CACNB2: variants seen among roughly 807,000 people sequenced by gnomAD.
CACNB2 encodes the protein calcium voltage-gated channel auxiliary subunit beta 2, also known as voltage-dependent L-type calcium channel subunit beta-2.
Under a neutral mutation model 73.3 loss-of-function variants are expected in CACNB2, and 42 were observed. The observed-to-expected ratio is 0.57, with a 90% CI of 0.45 to 0.74. The LOEUF is 0.74. Among genes scored for constraint, CACNB2 ranks in the 30% least tolerant of loss-of-function variants. The pLI is 0.00. For synonymous variants in CACNB2, 348 were observed against 310.3 expected (o/e 1.12, Z -1.28); for missense variants, 940 against 853.0 (o/e 1.10, Z -1.27).
At chr10:18,229,615 C>CA (rs1564361683) in intron 2 of CACNB2, among the ~76,000 whole-genome samples, 2 of 152,040 alleles carry the variant, frequency 1.3e-5, no homozygotes, top group Non-Finnish European at 2.9e-5. Flanking sequence ...AAAATATTAA[C>CA]AAAATGACAG....
rs933338562 is a variant in CACNB2 at position 18,514,481 on chromosome 10, G to A, written c.804+112G>A. On this transcript the variant is annotated intron_variant, in intron 7 of 13. Transcript: ENST00000324631. Reference sequence around the variant, plus strand: ...GATAAGCCAATAACGTGCATGCTCTGTTATTTGTTTCTTTTCCATGCTGCT... The same window carrying A: ...GATAAGCCAATAACGTGCATGCTCTATTATTTGTTTCTTTTCCATGCTGCT... 17 of 1,613,888 alleles carry A rather than the reference G, an allele frequency of 1.1e-5. No individual in the cohort carries two copies. The African/African-American group carries it at 1.9e-4, about 18-fold the overall frequency.
intron 2 of CACNB2, among the ~76,000 whole-genome samples, chr10:18,161,751 CTG>C: frequency 6.6e-6 from 1 of 151,790 alleles, no homozygotes; most frequent in Admixed American, 6.6e-5. Flanking sequence ...TGCTGAAACC[CTG>C]TCTCTACTAA....
intron 2 of CACNB2, among the ~76,000 whole-genome samples, chr10:18,347,495 T>A (rs2041514013): frequency 6.6e-6 from 1 of 151,846 alleles, no homozygotes. Context: ...CCAGCCAAGA[T>A]TTTATTCTTA....
At chr10:18,422,878 A>G (rs550042668) in intron 3 of CACNB2, among the ~76,000 whole-genome samples, 58 of 152,284 alleles carry the variant, frequency 3.8e-4, no homozygotes, top group African/African-American at 1.4e-3. Flanking sequence ...TTGTATTTTT[A>G]GTAGAGACGG....
At position 18,543,140 on chromosome 10, in the gene CACNB2, A is replaced by C. The variant is rs191191089; in HGVS notation, c.*3416A>C. 2 of 152,266 alleles carry C rather than the reference A, an allele frequency of 1.3e-5. No homozygotes were observed. 9.4% of individuals were successfully genotyped at this position (152,266 alleles called of 1,614,324 possible). A position where few individuals can be genotyped will look rare whatever the true frequency, so the allele number is the denominator to read the frequency against. ...AAACAAATAAAGAGCTGGCTTCTGCACTGTTTATTAGTAGTAGTATTAATT... is the reference window on the plus strand; with the variant it reads ...AAACAAATAAAGAGCTGGCTTCTGCCCTGTTTATTAGTAGTAGTATTAATT... On this transcript the variant is annotated 3_prime_UTR_variant, in exon 14 of 14. Transcript: ENST00000324631.
chr10:18,342,659 A>T (rs1264283385), intron 2 of CACNB2, among the ~76,000 whole-genome samples: 2 of 152,136 alleles, frequency 1.3e-5, no homozygotes, highest in African/African-American at 2.4e-5. Flanking sequence ...TTATAAACAC[A>T]TGGATTTTTG....
At chr10:18,181,537 A>G (rs1209998470) in intron 2 of CACNB2, among the ~76,000 whole-genome samples, 1 of 150,520 alleles carries the variant, frequency 6.6e-6, no homozygotes, top group African/African-American at 2.4e-5. Context: ...GCCGGTAGTC[A>G]GAGTTTTGAA....
intron 3 of CACNB2, among the ~76,000 whole-genome samples, chr10:18,477,613 G>A (rs759301584): frequency 7.9e-5 from 12 of 152,260 alleles, no homozygotes; most frequent in Middle Eastern, 3.4e-3. Context: ...AACAGTCTGT[G>A]GTCTGGGCCT....
chr10:18,530,224 A>AC (rs1255106533), intron 10 of CACNB2, among the ~76,000 whole-genome samples: 4 of 152,298 alleles, frequency 2.6e-5, no homozygotes, highest in African/African-American at 9.6e-5. Flanking sequence ...GTGGTAGGAG[A>AC]CCATGTACAG....
At chr10:18,538,681 T>G (rs182821560) in intron 13 of CACNB2, among the ~76,000 whole-genome samples, 1 of 152,330 alleles carries the variant, frequency 6.6e-6, no homozygotes, top group African/African-American at 2.4e-5. Flanking sequence ...ATTTCTTAAC[T>G]GTTCTTACCT....
chr10:18,425,450 T>C (rs1241568529), intron 3 of CACNB2, among the ~76,000 whole-genome samples: 1 of 152,186 alleles, frequency 6.6e-6, no homozygotes, highest in Non-Finnish European at 1.5e-5. Context: ...GAGGACTGCT[T>C]GAGCTGAGGA....
At chr10:18,391,763 C>T (rs1404025411) in intron 2 of CACNB2, among the ~76,000 whole-genome samples, 1 of 151,662 alleles carries the variant, frequency 6.6e-6, no homozygotes, top group African/African-American at 2.4e-5. Context: ...TCCATCTCTA[C>T]AGAAAATACG....
intron 2 of CACNB2, among the ~76,000 whole-genome samples, chr10:18,226,010 ATTTTC>A (rs761871384): frequency 3.8e-4 from 56 of 146,712 alleles, no homozygotes; most frequent in Middle Eastern, 3.4e-3. Context: ...CTTTTTTTTA[ATTTTC>A]TTTTCTTTTC....
intron 2 of CACNB2, among the ~76,000 whole-genome samples, chr10:18,389,767 A>G (rs1009528308): frequency 2.6e-5 from 4 of 152,220 alleles, no homozygotes; most frequent in Admixed American, 2.0e-4. Context: ...GAAAGTATCA[A>G]TTTAAGTGTG....
chr10:18,335,142 A>T (rs2040950939), intron 2 of CACNB2, among the ~76,000 whole-genome samples: 1 of 152,080 alleles, frequency 6.6e-6, no homozygotes, highest in East Asian at 1.9e-4. Context: ...AAAAAAAAAA[A>T]ATACCGTTGG....
At position 18,539,575 on chromosome 10, in the gene CACNB2, G is replaced by A. The variant is rs1348472309; in HGVS notation, c.1834G>A (p.Val612Met). ...HRESRHRSRD[V>M]DREQDHNECN... is the part of the protein sequence containing the mutation. Reference sequence around the variant, plus strand: ...GGAGTCCCGGCACCGTTCCCGGGACGTGGATCGAGAGCAGGACCACAACGA... The same window carrying A: ...GGAGTCCCGGCACCGTTCCCGGGACATGGATCGAGAGCAGGACCACAACGA... Residue 612 changes from valine (V) to methionine (M), a missense_variant, in exon 14 of 14, where the codon GTG (valine) becomes ATG (methionine). Physicochemically the swap from Val to Met is conservative, Grantham distance 21. Transcript: ENST00000324631. 10 of 1,613,638 alleles carry A rather than the reference G, an allele frequency of 6.2e-6. No individual in the cohort carries two copies. Among genetic ancestry groups the A allele is most frequent in the East Asian group, 4.5e-5 (2 of 44,832 alleles).
At chr10:18,443,813 C>T (rs1231512182) in intron 3 of CACNB2, among the ~76,000 whole-genome samples, 2 of 151,124 alleles carry the variant, frequency 1.3e-5, no homozygotes, top group East Asian at 2.0e-4. Flanking sequence ...CTCCCAGGTT[C>T]AAGAGATTCT....
chr10:18,262,158 T>C (rs1481567886), intron 2 of CACNB2, among the ~76,000 whole-genome samples: 1 of 151,908 alleles, frequency 6.6e-6, no homozygotes, highest in Non-Finnish European at 1.5e-5. Flanking sequence ...AAATAGAAAA[T>C]TGACAAAGCA....
At chr10:18,488,134 G>T (rs2132908051) in intron 3 of CACNB2, among the ~76,000 whole-genome samples, 1 of 151,484 alleles carries the variant, frequency 6.6e-6, no homozygotes, top group South Asian at 2.1e-4. Context: ...CTTTCTAGAT[G>T]GTGAAAAAGA....
Sources: gnomAD v4.1 joint callset for allele counts (sites outside exome capture counted in the v4.1 genomes callset) on GRCh38, gnomAD v4.1.1 for gene constraint, MANE v1.5 for transcripts, NCBI Gene and HGNC (gene_info 2026-07-23, HGNC 2026-07-21) for gene names.